PAPPA: variants seen among roughly 807,000 people sequenced by gnomAD.
The protein encoded by PAPPA is pappalysin-1.
In PAPPA, 60 loss-of-function variants were observed where a neutral mutation model predicts 164.0. The observed-to-expected ratio is 0.37, with a 90% CI of 0.30 to 0.45. The LOEUF is 0.45. PAPPA is among the 20% of genes least tolerant of loss of function. The pLI is 1.00. For synonymous variants in PAPPA, 875 were observed against 814.1 expected (o/e 1.07, Z -1.27); for missense variants, 1,782 against 2,087.3 (o/e 0.85, Z 2.85).
intron 7 of PAPPA, among the ~76,000 whole-genome samples, chr9:116,246,043 C>T (rs1844793240): frequency 6.6e-6 from 1 of 152,156 alleles, no homozygotes; most frequent in Non-Finnish European, 1.5e-5. Context: ...GTGTAGTTAA[C>T]ATAACCCTTC....
At chr9:116,337,364 A>G (rs1417378050) in intron 13 of PAPPA, among the ~76,000 whole-genome samples, 1 of 152,222 alleles carries the variant, frequency 6.6e-6, no homozygotes, top group Non-Finnish European at 1.5e-5. Context: ...AGAGGCATTT[A>G]CCAAAACAAG....
chr9:116,395,098 C>G (rs1846945389), intron 21 of PAPPA, among the ~76,000 whole-genome samples: 1 of 152,018 alleles, frequency 6.6e-6, no homozygotes, highest in Non-Finnish European at 1.5e-5. Flanking sequence ...TTCCTTATCA[C>G]AACCTCAGGA....
intron 7 of PAPPA, among the ~76,000 whole-genome samples, chr9:116,247,601 A>C (rs1417026045): frequency 6.6e-6 from 1 of 152,232 alleles, no homozygotes; most frequent in Non-Finnish European, 1.5e-5. Context: ...TAAGAAAACA[A>C]ATAAATGAAG....
intron 9 of PAPPA, chr9:116,287,264 G>A (rs1003038076): frequency 4.6e-5 from 7 of 152,180 alleles, no homozygotes; most frequent in African/African-American, 1.2e-4. Context: ...TCACAAATAC[G>A]CTAAGTACAA....
At position 116,271,351 on chromosome 9, in the gene PAPPA, T is replaced by C. The variant is rs1419391966; in HGVS notation, c.2888T>C (p.Met963Thr). The C allele has an allele frequency of 1.2e-6, 2 of 1,614,032 alleles. No individual in the cohort carries two copies. The highest frequency in any genetic ancestry group is 1.7e-5 in the Admixed American group (1 of 60,022). Residue 963 changes from methionine to threonine, a missense_variant, in exon 9 of 22, where the codon ATG becomes ACG. Met to Thr is a moderately conservative substitution (Grantham distance 81). Transcript: ENST00000328252. The surrounding 1 kb of genome is among the most constrained non-coding windows in gnomAD (Gnocchi z 4.2). ...QKDQGEQCDD[M>T]NKINGDGCSL... ...GACCAAGGTGAACAATGCGACGACA[T>C]GAATAAGATCAATGGTGATGGCTGC...
At chr9:116,163,826 T>C (rs1843694308) in intron 1 of PAPPA, among the ~76,000 whole-genome samples, 1 of 152,116 alleles carries the variant, frequency 6.6e-6, no homozygotes, top group South Asian at 2.1e-4. Flanking sequence ...TACTGCTCCA[T>C]TGGTGGATAC....
chr9:116,268,420 G>T (rs926989799), intron 8 of PAPPA, among the ~76,000 whole-genome samples: 4 of 152,178 alleles, frequency 2.6e-5, no homozygotes, highest in Non-Finnish European at 5.9e-5. Flanking sequence ...CATGGAGAAA[G>T]TACCCCATCA....
At chr9:116,303,735 T>A (rs973319402) in intron 10 of PAPPA, among the ~76,000 whole-genome samples, 3 of 152,192 alleles carry the variant, frequency 2.0e-5, no homozygotes, top group African/African-American at 7.2e-5. Flanking sequence ...TGAGCTGCTA[T>A]TCCCAGGCAT....
intron 10 of PAPPA, among the ~76,000 whole-genome samples, chr9:116,305,039 C>T (rs1281430004): frequency 6.6e-6 from 1 of 151,274 alleles, no homozygotes; most frequent in Admixed American, 6.6e-5. Context: ...AAAGCAAGTA[C>T]CTAGAAGTCA....
At position 116,362,682 on chromosome 9, in the gene PAPPA, G is replaced by T. The variant is rs1564241989; in HGVS notation, c.4438G>T (p.Val1480Phe). 1 of 1,614,112 alleles carries T rather than the reference G, an allele frequency of 6.2e-7. No homozygotes were observed. Among genetic ancestry groups the T allele is most frequent in the South Asian group, 1.1e-5 (1 of 91,062 alleles). The change falls in exon 18 of 22, where the codon GTT becomes TTT. Residue 1480 changes from valine to phenylalanine, a missense_variant. This residue lies in a region of PAPPA where 1,324 missense variants were observed against 1,656.9 expected (regional missense o/e 0.80). Coordinates refer to ENST00000328252, the MANE Select transcript of PAPPA (RefSeq NM_002581.5). ...VCQEMQGQCSVPNELNSNLKL... is the reference protein window; with the variant it reads ...VCQEMQGQCSFPNELNSNLKL... The stretch of plus-strand genomic sequence containing the variant: ...CCAGGAGATGCAAGGCCAGTGCTCG[G>T]TTCCAAACGAGCTCAACAGCAACCT...
chr9:116,324,903 C>G (rs1845902880), intron 10 of PAPPA, among the ~76,000 whole-genome samples: 1 of 152,192 alleles, frequency 6.6e-6, no homozygotes, highest in African/African-American at 2.4e-5. Flanking sequence ...AAACCAGCTC[C>G]TGAAAACCTT....
At chr9:116,260,119 A>G (rs957213697) in intron 7 of PAPPA, among the ~76,000 whole-genome samples, 1 of 152,218 alleles carries the variant, frequency 6.6e-6, no homozygotes, top group African/African-American at 2.4e-5. Context: ...ATGTAAAACA[A>G]TACACTGTGC....
chr9:116,290,354 T>A (rs1035465241), intron 9 of PAPPA, among the ~76,000 whole-genome samples: 1 of 121,330 alleles, frequency 8.2e-6, no homozygotes, highest in East Asian at 2.7e-4. Context: ...TTGCTGATCA[T>A]GTTTCTCCAT....
At chr9:116,194,135 T>C (rs966979392) in intron 2 of PAPPA, among the ~76,000 whole-genome samples, 1 of 152,238 alleles carries the variant, frequency 6.6e-6, no homozygotes, top group African/African-American at 2.4e-5. Context: ...CACTGAAGAC[T>C]CGGGCTGATT....
intron 9 of PAPPA, among the ~76,000 whole-genome samples, chr9:116,272,131 C>G (rs1436625410): frequency 1.3e-5 from 2 of 152,204 alleles, no homozygotes; most frequent in Admixed American, 6.5e-5. Flanking sequence ...TTGGGAGGCC[C>G]TGGTCAGCCC....
rs1161945598 is a variant in PAPPA at position 116,271,447 on chromosome 9, T to C, written c.2953+31T>C. ...TCTTTTTCATTTCTTGTGGCCTTCA[T>C]GAAGAAATGAACGGTGCAGAATGGT... On this transcript the variant is annotated intron_variant, in intron 9 of 21. Coordinates refer to ENST00000328252, the MANE Select transcript of PAPPA (RefSeq NM_002581.5). This position sits in a 1 kb window ranked among gnomAD's most constrained non-coding sequence, Gnocchi z 4.2. 1 of 1,447,074 alleles carries C rather than the reference T, an allele frequency of 6.9e-7. No homozygotes were observed. The highest frequency in any genetic ancestry group is 9.7e-7 in the Non-Finnish European group (1 of 1,027,482). The allele number at this position is 1,447,074 out of a possible 1,614,324, so 89.6% of individuals were successfully genotyped here. A position where few individuals can be genotyped will look rare whatever the true frequency, so the allele number is the denominator to read the frequency against.
In PAPPA at chr9:116,302,821, C is replaced by T; in HGVS notation, c.3018C>T (p.Thr1006=). 6.2e-7 allele frequency: 1 copy of T among 1,613,860 alleles called. No homozygotes were observed. The highest frequency in any genetic ancestry group is 8.5e-7 in the Non-Finnish European group (1 of 1,179,878). The change falls in exon 10 of 22, where the codon ACC becomes ACT. Residue 1006 remains threonine (T), a synonymous_variant. Coordinates refer to ENST00000328252, the MANE Select transcript of PAPPA (RefSeq NM_002581.5). ...DGVCEEFEQK[T]SIKDCGVYTP... ...TATGTGAGGAGTTTGAACAAAAAAC[C>T]AGCATTAAGGACTGTGGTGTCTACA... is the stretch of plus-strand genomic sequence containing the variant.
At chr9:116,281,311 C>T (rs117661773) in intron 9 of PAPPA, among the ~76,000 whole-genome samples, 2,696 of 152,126 alleles carry the variant, frequency 0.018, 32 homozygotes, top group South Asian at 0.036. Flanking sequence ...AGAGAGACAG[C>T]GCGAGGAGTT....
At position 116,398,930 on chromosome 9, in the gene PAPPA, CCT is replaced by C; in HGVS notation, c.*2315_*2316del. 1 of 339,380 alleles carries C rather than the reference CCT, an allele frequency of 2.9e-6. No homozygotes were observed. The allele number at this position is 339,380 out of a possible 1,614,324, so 21.0% of individuals were successfully genotyped here. On this transcript the variant is annotated 3_prime_UTR_variant, in exon 22 of 22. Transcript: ENST00000328252. The stretch of plus-strand genomic sequence containing the variant: ...TCAACTCTCCAGGCCTCTCTCTTGC[CCT>C]GAGTTATCAGCCTGTGTGGTGTTAA...
Sources: gnomAD v4.1 joint callset for allele counts (sites outside exome capture counted in the v4.1 genomes callset) on GRCh38, gnomAD v4.1.1 for gene constraint, gnomAD v4.1.1 regional missense constraint, Gnocchi (gnomAD v3.1) non-coding constraint, MANE v1.5 for transcripts, NCBI Gene and HGNC (gene_info 2026-07-23, HGNC 2026-07-21) for gene names.